Variants in CHRNA5 observed in about 807,000 individuals in gnomAD.
CHRNA5 encodes the protein neuronal acetylcholine receptor subunit alpha-5.
CHRNA5 carries 28 observed loss-of-function variants against 41.2 expected under a neutral mutation model. That is an observed-to-expected ratio of 0.68 (90% confidence interval 0.50 to 0.93). CHRNA5 has a LOEUF of 0.93. Ranked by LOEUF, CHRNA5 falls within the 40% of genes least tolerant of loss-of-function variation. The pLI, the probability that CHRNA5 is intolerant of heterozygous loss-of-function variation, is 0.00. For missense variants in CHRNA5, 481 were observed against 581.9 expected (o/e 0.83, Z 1.78); for synonymous variants, 188 against 205.8 (o/e 0.91, Z 0.74).
rs541222537 is a variant in CHRNA5, at chr15:78,575,527, A to G, written c.107-5284A>G. Among the ~76,000 whole-genome samples, 17 of 152,300 alleles carry G rather than the reference A, an allele frequency of 1.1e-4. 1 individual carries two copies. In the East Asian group the frequency reaches 3.1e-3, roughly 28 times the overall value. The stretch of plus-strand genomic sequence containing the variant: ...AGAAGAGACTTGAGGAAAGCTTTAT[A>G]GTGACCCATTATTGCACTGTGTTAA... On this transcript the variant is annotated intron_variant, in intron 1 of 5. Transcript: ENST00000299565.
At chr15:78,591,242 A>C (rs1332646693) in intron 5 of CHRNA5, 1 of 152,428 alleles carries the variant, frequency 6.6e-6, no homozygotes, top group African/African-American at 2.4e-5. Context: ...ATGGTGGCAC[A>C]TGCCTATAGT....
intron 1 of CHRNA5, among the ~76,000 whole-genome samples, chr15:78,574,139 G>C (rs910501287): frequency 4.0e-5 from 6 of 151,202 alleles, no homozygotes; most frequent in Non-Finnish European, 3.0e-5. Context: ...AATCCTCAGG[G>C]GGAGGCCAAG....
chr15:78,565,567 C>T (rs1020229973), exon 1 of CHRNA5: 1 of 219,880 alleles, frequency 4.5e-6, no homozygotes, highest in Non-Finnish European at 8.7e-6. Flanking sequence ...GGCTGCTGTC[C>T]CGGCGGGAGC....
rs55736590 is a variant in CHRNA5, at chr15:78,595,153, G to A, written c.*1900G>A. On this transcript the variant is annotated 3_prime_UTR_variant, in exon 6 of 6. Coordinates refer to ENST00000299565, the Ensembl canonical transcript of CHRNA5. ...AATGCCATTTAATGAGTGAAAGCCTGGTGTGATGAATTTAGATTGCCTGCC... is the reference window on the plus strand; with the variant it reads ...AATGCCATTTAATGAGTGAAAGCCTAGTGTGATGAATTTAGATTGCCTGCC... 474 of 281,448 alleles carry A rather than the reference G, an allele frequency of 1.7e-3. 5 individuals carry two copies. Among genetic ancestry groups the A allele is most frequent in the South Asian group, 2.1e-3 (15 of 7,176 alleles). The allele number at this position is 281,448 out of a possible 1,614,324, so 17.4% of individuals were successfully genotyped here. A position where few individuals can be genotyped will look rare whatever the true frequency, so the allele number is the denominator to read the frequency against.
intron 1 of CHRNA5, among the ~76,000 whole-genome samples, chr15:78,571,835 T>A (rs1039005176): frequency 6.6e-6 from 1 of 152,204 alleles, no homozygotes; most frequent in Non-Finnish European, 1.5e-5. Flanking sequence ...TCTGTAATAC[T>A]TAAAATAATG....
chr15:78,580,376 G>C (rs956784901), intron 1 of CHRNA5, among the ~76,000 whole-genome samples: 1 of 150,890 alleles, frequency 6.6e-6, no homozygotes, highest in Non-Finnish European at 1.5e-5. Context: ...CTGTTTTCTA[G>C]GTTTGGAATT....
exon 2 of CHRNA5, chr15:78,580,845 A>G (rs1288829103): frequency 1.2e-6 from 2 of 1,612,942 alleles, no homozygotes; most frequent in Admixed American, 1.7e-5. Flanking sequence ...CAAAACATGA[A>G]GATAGTTTGC....
intron 1 of CHRNA5, among the ~76,000 whole-genome samples, chr15:78,569,119 A>G (rs187263597): frequency 3.5e-4 from 54 of 152,374 alleles, no homozygotes; most frequent in African/African-American, 1.3e-3. Context: ...AAATATGTGA[A>G]CTAGACTGAG....
chr15:78,594,885 A>C (rs1164096110), exon 6 of CHRNA5: 3 of 152,202 alleles, frequency 2.0e-5, no homozygotes, highest in Admixed American at 6.5e-5. Context: ...AGCGTAAATG[A>C]TTTAGTACAG....
At chr15:78,580,785 T>C in intron 1 of CHRNA5, 26 bp from the exon 2 acceptor site, 1 of 1,590,004 alleles carries the variant, frequency 6.3e-7, no homozygotes, top group South Asian at 1.1e-5. Context: ...AGCGAGTACA[T>C]TAACTTTTAA....
chr15:78,592,906 G>T, intron 5 of CHRNA5, 186 bp from the exon 6 acceptor site: 1 of 511,270 alleles, frequency 2.0e-6, no homozygotes, highest in Non-Finnish European at 3.3e-6. Context: ...GTCTTTTAAA[G>T]CTTATATCTA....
Position 78,580,793 on chromosome 15 carries a change from TA to T in CHRNA5, c.107-13del, listed in dbSNP as rs1203929990. On this transcript the variant is annotated splice_polypyrimidine_tract_variant and intron_variant, in intron 1 of 5. Coordinates refer to ENST00000299565, the Ensembl canonical transcript of CHRNA5. ...GGAGAGAAGCGAGTACATTAACTTT[TA>T]AAAATTTGTTATACAGGATTATCTG... is the stretch of plus-strand genomic sequence containing the variant. 3.1e-6 allele frequency: 5 copies of T among 1,597,938 alleles called. No individual in the cohort carries two copies. Among genetic ancestry groups the T allele is most frequent in the Non-Finnish European group, 4.3e-6 (5 of 1,168,998 alleles).
chr15:78,593,321 T>C, exon 6 of CHRNA5: 1 of 1,432,134 alleles, frequency 7.0e-7, no homozygotes, highest in Non-Finnish European at 9.3e-7. Flanking sequence ...TATAAAATTA[T>C]GAAAATGTAA....
intron 5 of CHRNA5, 167 bp from the exon 6 acceptor site, chr15:78,592,925 C>T (rs2053033984): frequency 6.3e-6 from 4 of 639,578 alleles, no homozygotes; most frequent in African/African-American, 1.8e-5. Flanking sequence ...TATAGTAGAC[C>T]TTCAGGCTAG....
chr15:78,588,730 T>C lies in CHRNA5; in HGVS notation c.413+307T>C, dbSNP rs2052983801. Among the ~76,000 whole-genome samples the C allele has an allele frequency of 6.6e-6, 1 of 152,228 alleles. No homozygotes were observed. The highest frequency in any genetic ancestry group is 1.5e-5 in the Non-Finnish European group (1 of 68,044). ...TTTGGCAGACTTCTAGATTTTTTTGTATGTTTTTTACGTCGTTGAGGTCAT... is the reference window on the plus strand; with the variant it reads ...TTTGGCAGACTTCTAGATTTTTTTGCATGTTTTTTACGTCGTTGAGGTCAT... On this transcript the variant is annotated intron_variant, in intron 4 of 5. Transcript: ENST00000299565. This position sits in a 1 kb window ranked among gnomAD's most constrained non-coding sequence, Gnocchi z 4.1.
chr15:78,578,168 G>A (rs936190975), intron 1 of CHRNA5, among the ~76,000 whole-genome samples: 4 of 152,098 alleles, frequency 2.6e-5, no homozygotes, highest in Admixed American at 6.5e-5. Context: ...TTTTACAGGC[G>A]TCACCACACA....
intron 3 of CHRNA5, 24 bp downstream of exon 3, chr15:78,586,713 G>A (rs1323596079): frequency 5.1e-6 from 8 of 1,574,628 alleles, no homozygotes; most frequent in Non-Finnish European, 6.1e-6. Context: ...ATTCAAACGG[G>A]CACCCAATTA....
intron 5 of CHRNA5, 22 bp from the exon 6 acceptor site, chr15:78,593,070 A>G (rs751943214): frequency 2.3e-5 from 37 of 1,595,982 alleles, no homozygotes; most frequent in Non-Finnish European, 1.7e-5. Context: ...TATTTAATGC[A>G]TTTTTATTTT....
At chr15:78,587,757 CTTTTGT>C (rs1337728027) in intron 3 of CHRNA5, among the ~76,000 whole-genome samples, 1 of 152,028 alleles carries the variant, frequency 6.6e-6, no homozygotes, top group Admixed American at 6.6e-5. Context: ...TGAGCGCTTC[CTTTTGT>C]TTTTATCATC....
Sources: gnomAD v4.1 joint callset for allele counts (sites outside exome capture counted in the v4.1 genomes callset) on GRCh38, gnomAD v4.1.1 for gene constraint, Gnocchi (gnomAD v3.1) non-coding constraint, MANE v1.5 for transcripts, NCBI Gene and HGNC (gene_info 2026-07-23, HGNC 2026-07-21) for gene names.